The following KAZN variants were observed in gnomAD, a reference collection of about 807,000 sequenced individuals.
KAZN encodes the protein kazrin.
In KAZN, 40 loss-of-function variants were observed where a neutral mutation model predicts 87.4. That is an observed-to-expected ratio of 0.46 (90% CI 0.36 to 0.60). The LOEUF is 0.60. Among genes scored for constraint, KAZN ranks in the 20% least tolerant of loss-of-function variants. The probability of loss-of-function intolerance (pLI) is 0.00; values close to 1 mark genes in which losing one functional copy is unlikely to be tolerated. For missense variants in KAZN, 898 were observed against 1,073.9 expected (o/e 0.84, Z 2.29); for synonymous variants, 466 against 458.3 (o/e 1.02, Z -0.22).
chr1:14,747,674 T>C (rs1035076491), intron 1 of KAZN, among the ~76,000 whole-genome samples: 1 of 152,262 alleles, frequency 6.6e-6, no homozygotes, highest in Non-Finnish European at 1.5e-5. Flanking sequence ...GAACATTAAA[T>C]ACAAGTATCA....
At chr1:14,831,024 G>A (rs2005997) in intron 1 of KAZN, among the ~76,000 whole-genome samples, 3,905 of 152,172 alleles carry the variant, frequency 0.026, 162 homozygotes, top group African/African-American at 0.088. Context: ...TGACCCAGGC[G>A]CTCTCTCCCA....
intron 1 of KAZN, among the ~76,000 whole-genome samples, chr1:14,867,409 G>A (rs1318136308): frequency 6.6e-6 from 1 of 152,094 alleles, no homozygotes. Context: ...TATTCCCCCG[G>A]GACCTGACTC....
intron 1 of KAZN, among the ~76,000 whole-genome samples, chr1:13,953,336 T>G (rs1208584800): frequency 6.6e-6 from 1 of 152,202 alleles, no homozygotes; most frequent in African/African-American, 2.4e-5. Context: ...GAAGTCAATC[T>G]TGGTTCTGCA....
chr1:14,119,126 A>C (rs566867359), intron 1 of KAZN, among the ~76,000 whole-genome samples: 1 of 152,208 alleles, frequency 6.6e-6, no homozygotes, highest in African/African-American at 2.4e-5. Flanking sequence ...AGAGTCACCA[A>C]TGAAAAACAT....
At chr1:14,128,207 C>T (rs1644914735) in intron 1 of KAZN, among the ~76,000 whole-genome samples, 1 of 152,068 alleles carries the variant, frequency 6.6e-6, no homozygotes, top group South Asian at 2.1e-4. Context: ...GGTGGTACTG[C>T]ACCATCTTTG....
intron 1 of KAZN, among the ~76,000 whole-genome samples, chr1:14,014,978 G>A (rs1224890783): frequency 6.6e-6 from 1 of 152,144 alleles, no homozygotes; most frequent in Non-Finnish European, 1.5e-5. Context: ...TTTATGATGA[G>A]ATCTCTTTTT....
At chr1:14,306,011 C>T (rs1285312024) in intron 2 of KAZN, among the ~76,000 whole-genome samples, 1 of 152,118 alleles carries the variant, frequency 6.6e-6, no homozygotes, top group African/African-American at 2.4e-5. Flanking sequence ...TCTCATCTTT[C>T]CTGTCTGATC....
At chr1:14,838,300 T>C (rs1647516377) in intron 1 of KAZN, among the ~76,000 whole-genome samples, 1 of 152,232 alleles carries the variant, frequency 6.6e-6, no homozygotes, top group Non-Finnish European at 1.5e-5. Context: ...TACTATCACA[T>C]TGATAAGTTT....
chr1:14,900,221 A>G (rs1048883600), intron 1 of KAZN, among the ~76,000 whole-genome samples: 2 of 152,200 alleles, frequency 1.3e-5, no homozygotes, highest in African/African-American at 4.8e-5. Context: ...ATTCCCGCTC[A>G]GAACTACTTC....
At chr1:14,371,407 G>A (rs543570652) in intron 2 of KAZN, among the ~76,000 whole-genome samples, 3 of 152,266 alleles carry the variant, frequency 2.0e-5, no homozygotes, top group African/African-American at 7.2e-5. Flanking sequence ...TAGGGATCAA[G>A]GCTAAGCCCA....
At chr1:15,025,898 G>T (rs577214286) in intron 2 of KAZN, among the ~76,000 whole-genome samples, 1 of 152,138 alleles carries the variant, frequency 6.6e-6, no homozygotes, top group Admixed American at 6.5e-5. Context: ...CAAGGCGGGC[G>T]GATCACTTGA....
intron 1 of KAZN, among the ~76,000 whole-genome samples, chr1:13,926,071 T>A (rs978114761): frequency 6.6e-6 from 1 of 150,688 alleles, no homozygotes; most frequent in Non-Finnish European, 1.5e-5. Flanking sequence ...TCTCCCTTTG[T>A]TTTTTTTCAT....
chr1:14,130,848 A>G (rs1449866661), intron 1 of KAZN, among the ~76,000 whole-genome samples: 1 of 148,842 alleles, frequency 6.7e-6, no homozygotes, highest in Non-Finnish European at 1.5e-5. Context: ...AAATTGTCAG[A>G]GGGTAGGGAG....
intron 1 of KAZN, among the ~76,000 whole-genome samples, chr1:14,644,723 T>C (rs12040694): frequency 0.17 from 26,618 of 152,202 alleles, 2,559 homozygotes; most frequent in South Asian, 0.29. Flanking sequence ...ATCAGATGCA[T>C]GGTTTGCAAA....
intron 2 of KAZN, among the ~76,000 whole-genome samples, chr1:14,967,125 G>A (rs1664544118): frequency 6.6e-6 from 1 of 152,196 alleles, no homozygotes; most frequent in Admixed American, 6.5e-5. Flanking sequence ...AGAAGCTCAG[G>A]GACCTTGGAG....
chr1:14,299,949 G>A (rs1401453102), intron 2 of KAZN, among the ~76,000 whole-genome samples: 1 of 152,138 alleles, frequency 6.6e-6, no homozygotes, highest in Non-Finnish European at 1.5e-5. Context: ...GGGTGGGGAG[G>A]CTTTGTTATA....
At chr1:14,051,939 C>T (rs916016796) in intron 1 of KAZN, among the ~76,000 whole-genome samples, 1 of 152,206 alleles carries the variant, frequency 6.6e-6, no homozygotes, top group African/African-American at 2.4e-5. Context: ...TGGAGCTCTT[C>T]CAAGCCTTAT....
At chr1:14,556,919 TC>T (rs1163893882) in intron 2 of KAZN, among the ~76,000 whole-genome samples, 1 of 152,188 alleles carries the variant, frequency 6.6e-6, no homozygotes, top group Non-Finnish European at 1.5e-5. Flanking sequence ...GAACAGTTTG[TC>T]GCCAAATTCA....
chr1:14,169,660 GC>G (rs1332144205), intron 1 of KAZN, among the ~76,000 whole-genome samples: 3 of 152,204 alleles, frequency 2.0e-5, no homozygotes, highest in Non-Finnish European at 2.9e-5. Flanking sequence ...AACTAGACCT[GC>G]TGGAGGCTCA....
Sources: gnomAD v4.1 joint callset for allele counts (sites outside exome capture counted in the v4.1 genomes callset) on GRCh38, gnomAD v4.1.1 for gene constraint, MANE v1.5 for transcripts, NCBI Gene and HGNC (gene_info 2026-07-23, HGNC 2026-07-21) for gene names.